The following SLC23A2 variants were observed in gnomAD, a reference collection of about 807,000 sequenced individuals.
The protein encoded by SLC23A2 is solute carrier family 23 member 2, also known as Na(+)/L-ascorbic acid transporter 2.
A neutral mutation model predicts 73.3 loss-of-function variants in SLC23A2; 36 were observed. The ratio of observed to expected loss-of-function variants is 0.49; its 90% CI spans 0.38 to 0.65. SLC23A2 has a LOEUF of 0.65. Among genes scored for constraint, SLC23A2 ranks in the 30% least tolerant of loss-of-function variants. The pLI is 0.00. For synonymous variants in SLC23A2, 343 were observed against 327.3 expected (o/e 1.05, Z -0.52); for missense variants, 507 against 841.6 (o/e 0.60, Z 4.92).
At chr20:4,880,604 CAA>C (rs1317431844) in intron 9 of SLC23A2, among the ~76,000 whole-genome samples, 3 of 151,904 alleles carry the variant, frequency 2.0e-5, no homozygotes, top group African/African-American at 7.3e-5. Context: ...AGAAAAAAGA[CAA>C]AGAGATAGAA....
chr20:4,897,331 T>C (rs1931575232), intron 6 of SLC23A2, among the ~76,000 whole-genome samples: 1 of 152,150 alleles, frequency 6.6e-6, no homozygotes, highest in Non-Finnish European at 1.5e-5. Context: ...CAGCACCACC[T>C]GATTTATGAC....
At chr20:4,974,562 A>G (rs918284788) in intron 1 of SLC23A2, among the ~76,000 whole-genome samples, 12 of 143,912 alleles carry the variant, frequency 8.3e-5, no homozygotes, top group Admixed American at 4.0e-4. Flanking sequence ...AATATGACAA[A>G]TATCTTCTGA....
intron 2 of SLC23A2, among the ~76,000 whole-genome samples, chr20:4,950,983 T>TTGGGA (rs2087193221): frequency 6.6e-6 from 1 of 152,002 alleles, no homozygotes; most frequent in Non-Finnish European, 1.5e-5. Context: ...GGGAGCCAGG[T>TTGGGA]GCTTCAACTG....
intron 16 of SLC23A2, among the ~76,000 whole-genome samples, chr20:4,858,425 GAGAA>G (rs2122767040): frequency 6.6e-6 from 1 of 152,320 alleles, no homozygotes; most frequent in South Asian, 2.1e-4. Context: ...TGGCTTAGGA[GAGAA>G]AGAGAGTAGT....
chr20:4,961,513 G>T (rs961224830), intron 2 of SLC23A2, among the ~76,000 whole-genome samples: 1 of 152,104 alleles, frequency 6.6e-6, no homozygotes, highest in Non-Finnish European at 1.5e-5. Flanking sequence ...ACACAAATTC[G>T]TAACTTTCTT....
chr20:4,922,881 A>G (rs906715151), intron 3 of SLC23A2, among the ~76,000 whole-genome samples: 4 of 151,686 alleles, frequency 2.6e-5, no homozygotes, highest in Non-Finnish European at 4.4e-5. Flanking sequence ...GATGGCCAGA[A>G]TGCTGATCAA....
chr20:4,991,564 A>T (rs1224040643), intron 1 of SLC23A2, among the ~76,000 whole-genome samples: 1 of 152,116 alleles, frequency 6.6e-6, no homozygotes, highest in Admixed American at 6.6e-5. Flanking sequence ...TCTACTAAAA[A>T]TACAAAAATT....
chr20:4,980,957 G>A (rs1386400259), intron 1 of SLC23A2, among the ~76,000 whole-genome samples: 5 of 152,110 alleles, frequency 3.3e-5, no homozygotes, highest in South Asian at 2.1e-4. Flanking sequence ...CACCAGTCCC[G>A]ATATTTTTCC....
rs905733717 is a variant in SLC23A2 at position 4,972,788 on chromosome 20, T to C, written c.-281-1869A>G. 3.3e-5 allele frequency among the ~76,000 whole-genome samples: 5 copies of C among 152,108 alleles called. No homozygotes were observed. The East Asian group carries it at 5.8e-4, about 18-fold the overall frequency. On this transcript the variant is annotated intron_variant, in intron 1 of 16. Transcript: ENST00000338244. ...TTTTAGTAGAGACACGGTTTCACCA[T>C]GCTGGCCAGGCTGGTCTTGAACTCG...
At chr20:4,928,692 C>A (rs1186494442) in intron 3 of SLC23A2, among the ~76,000 whole-genome samples, 1 of 152,212 alleles carries the variant, frequency 6.6e-6, no homozygotes, top group Non-Finnish European at 1.5e-5. Flanking sequence ...TAGCCCTAGA[C>A]TGGGATAAAA....
At chr20:4,903,151 T>C (rs1355127250) in intron 4 of SLC23A2, among the ~76,000 whole-genome samples, 1 of 152,168 alleles carries the variant, frequency 6.6e-6, no homozygotes, top group East Asian at 1.9e-4. Flanking sequence ...ACATTAAAAA[T>C]GTATTCATAG....
chr20:4,869,613 A>C (rs905181934), intron 12 of SLC23A2: 8 of 327,132 alleles, frequency 2.4e-5, no homozygotes, highest in Non-Finnish European at 4.5e-5. Context: ...TTTTGAATTT[A>C]AGGCTTACAG....
chr20:4,983,457 C>A lies in SLC23A2; in HGVS notation c.-281-12538G>T, dbSNP rs6053010. Among the ~76,000 whole-genome samples the A allele has an allele frequency of 9.9e-5, 15 of 151,558 alleles. No individual in the cohort carries two copies. The East Asian group carries it at 1.4e-3, about 14-fold the overall frequency. The stretch of plus-strand genomic sequence containing the variant: ...GTGAGGAGATCGAGACCATCCTGGC[C>A]AACACGGTGAAACCCCGTCTCTACT... On this transcript the variant is annotated intron_variant, in intron 1 of 16. Transcript: ENST00000338244.
At chr20:4,974,137 G>A (rs1831680501) in intron 1 of SLC23A2, among the ~76,000 whole-genome samples, 1 of 152,076 alleles carries the variant, frequency 6.6e-6, no homozygotes, top group Admixed American at 6.6e-5. Flanking sequence ...CAATTCAGTA[G>A]ATGCCAAAAA....
chr20:5,004,185 C>T (rs149060422), upstream of SLC23A2, among the ~76,000 whole-genome samples: 83 of 152,316 alleles, frequency 5.4e-4, no homozygotes, highest in African/African-American at 1.9e-3. Flanking sequence ...CCTGAATATT[C>T]TCCAGGAATT....
chr20:4,886,081 G>A, intron 6 of SLC23A2, 172 bp from the exon 7 acceptor site: 2 of 533,934 alleles, frequency 3.7e-6, no homozygotes, highest in South Asian at 4.3e-5. Context: ...TGCAGCCACA[G>A]CCAGTGGCTT....
chr20:4,986,685 C>G (rs397833056), intron 1 of SLC23A2, among the ~76,000 whole-genome samples: 1 of 143,170 alleles, frequency 7.0e-6, no homozygotes, highest in African/African-American at 2.5e-5. Context: ...CACACACACA[C>G]ACACAGAGAT....
chr20:4,925,318 G>T (rs1217649526), intron 3 of SLC23A2, among the ~76,000 whole-genome samples: 2 of 152,134 alleles, frequency 1.3e-5, no homozygotes, highest in Non-Finnish European at 2.9e-5. Flanking sequence ...TGCAGGTCCT[G>T]TATGATCACT....
At chr20:4,909,298 C>T (rs182784325) in intron 4 of SLC23A2, among the ~76,000 whole-genome samples, 79 of 152,234 alleles carry the variant, frequency 5.2e-4, no homozygotes, top group East Asian at 1.9e-3. Flanking sequence ...AGCATCATGT[C>T]GGTGCTCAAA....
Sources: allele counts gnomAD v4.1 joint callset (sites outside exome capture counted in the v4.1 genomes callset), GRCh38; gene constraint gnomAD v4.1.1; transcripts MANE v1.5; gene names NCBI Gene and HGNC (gene_info 2026-07-23, HGNC 2026-07-21).